The following SRGAP1 variants were observed in gnomAD, a reference collection of about 807,000 sequenced individuals.
SRGAP1 encodes the protein SLIT-ROBO Rho GTPase activating protein 1.
A neutral mutation model predicts 121.9 loss-of-function variants in SRGAP1; 43 were observed. That is an observed-to-expected ratio of 0.35 (90% CI 0.28 to 0.46). SRGAP1 has a LOEUF of 0.46. Ranked by LOEUF, SRGAP1 falls within the 20% of genes least tolerant of loss-of-function variation. SRGAP1 has a pLI of 1.00. For synonymous variants in SRGAP1, 447 were observed against 485.4 expected, an observed-to-expected ratio of 0.92 and a Z score of 1.04; for missense variants, 1,102 against 1,350.9, an observed-to-expected ratio of 0.82 and a Z score of 2.89.
chr12:64,126,253 AG>A (rs1481163845), intron 19 of SRGAP1, 96 bp downstream of exon 19: 1 of 1,354,472 alleles, frequency 7.4e-7, no homozygotes, highest in East Asian at 2.4e-5. Context: ...AAGGAGCAGA[AG>A]GGATTACAGA....
rs559469859 is a variant in SRGAP1 at position 63,865,170 on chromosome 12, C to T, written c.67+20287C>T. On this transcript the variant is annotated intron_variant, in intron 1 of 21. Coordinates refer to ENST00000355086, the MANE Select transcript of SRGAP1 (RefSeq NM_020762.4). ...AAAATAAGTTTTTCTGAGTAAAAATCCGTAGGCAGGGCACGGTGGCTCACT... is the reference window on the plus strand; with the variant it reads ...AAAATAAGTTTTTCTGAGTAAAAATTCGTAGGCAGGGCACGGTGGCTCACT... 2.0e-5 allele frequency among the ~76,000 whole-genome samples: 3 copies of T among 152,208 alleles called. No homozygotes were observed. In the South Asian group the frequency reaches 6.2e-4, roughly 32 times the overall value.
chr12:63,972,816 T>A (rs551713875), intron 1 of SRGAP1, among the ~76,000 whole-genome samples: 4 of 152,308 alleles, frequency 2.6e-5, no homozygotes, highest in East Asian at 1.9e-4. Context: ...CTAGTTTTTT[T>A]AAAAAATCTG....
intron 1 of SRGAP1, among the ~76,000 whole-genome samples, chr12:63,968,496 C>G (rs1416588452): frequency 6.6e-6 from 1 of 152,166 alleles, no homozygotes; most frequent in East Asian, 1.9e-4. Flanking sequence ...TAACCATGGT[C>G]ATTACCGTCT....
At chr12:64,099,439 T>C (rs1565680698) in intron 15 of SRGAP1, among the ~76,000 whole-genome samples, 1 of 152,142 alleles carries the variant, frequency 6.6e-6, no homozygotes, top group Non-Finnish European at 1.5e-5. Context: ...ATAGAATTTA[T>C]AGATGAAATG....
At chr12:64,026,764 G>T (rs1487586740) in intron 4 of SRGAP1, among the ~76,000 whole-genome samples, 2 of 151,872 alleles carry the variant, frequency 1.3e-5, no homozygotes, top group African/African-American at 4.8e-5. Flanking sequence ...TACTTGGAAG[G>T]CTGAGTCGGG....
At chr12:64,026,832 C>T (rs997049246) in intron 4 of SRGAP1, among the ~76,000 whole-genome samples, 3 of 151,242 alleles carry the variant, frequency 2.0e-5, no homozygotes, top group Admixed American at 6.6e-5. Flanking sequence ...CACCACCGCA[C>T]TCCAGCCTGG....
intron 1 of SRGAP1, among the ~76,000 whole-genome samples, chr12:63,982,220 A>C (rs983156843): frequency 6.6e-6 from 1 of 151,040 alleles, no homozygotes; most frequent in Admixed American, 6.6e-5. Context: ...CAAAACAAAA[A>C]CAAAAACAAA....
chr12:63,850,990 T>C (rs1306753668), intron 1 of SRGAP1, among the ~76,000 whole-genome samples: 1 of 151,798 alleles, frequency 6.6e-6, no homozygotes, highest in Non-Finnish European at 1.5e-5. Context: ...ATCTCGTCTC[T>C]ACTAAAAACA....
rs559156416 is a variant in SRGAP1, at chr12:63,937,273, G to A, written c.68-46674G>A. 5.3e-5 allele frequency among the ~76,000 whole-genome samples: 8 copies of A among 152,292 alleles called. No homozygotes were observed. The East Asian group carries it at 1.5e-3, about 29-fold the overall frequency. On this transcript the variant is annotated intron_variant, in intron 1 of 21. Transcript: ENST00000355086. ...ATTTAGTAGGAAAAACTGGGATGTTGCTGACAATGGCCCATAATCATACAG... is the reference window on the plus strand; with the variant it reads ...ATTTAGTAGGAAAAACTGGGATGTTACTGACAATGGCCCATAATCATACAG...
chr12:63,921,385 C>T (rs919021053), intron 1 of SRGAP1, among the ~76,000 whole-genome samples: 1 of 152,152 alleles, frequency 6.6e-6, no homozygotes, highest in Non-Finnish European at 1.5e-5. Flanking sequence ...GAGTAATCCA[C>T]GATATGACCT....
intron 1 of SRGAP1, among the ~76,000 whole-genome samples, chr12:63,879,652 T>TG (rs1189180871): frequency 2.6e-5 from 4 of 152,274 alleles, no homozygotes; most frequent in South Asian, 4.1e-4. Context: ...AGCACTAAGT[T>TG]GGGGGGAAGC....
chr12:63,882,767 A>C (rs1900237826), intron 1 of SRGAP1, among the ~76,000 whole-genome samples: 1 of 152,216 alleles, frequency 6.6e-6, no homozygotes, highest in Non-Finnish European at 1.5e-5. Context: ...TTGTAAATTA[A>C]CTAACTTCTT....
chr12:63,877,786 T>C (rs778562499), intron 1 of SRGAP1, among the ~76,000 whole-genome samples: 15 of 152,230 alleles, frequency 9.9e-5, no homozygotes, highest in Admixed American at 2.6e-4. Context: ...TTAGATACCA[T>C]CTTTCTAGTC....
intron 3 of SRGAP1, among the ~76,000 whole-genome samples, chr12:64,007,164 G>A (rs574149434): frequency 1.1e-4 from 17 of 152,148 alleles, no homozygotes; most frequent in East Asian, 9.7e-4. Flanking sequence ...ATAATGAACC[G>A]TTATCTGTGA....
At chr12:64,067,912 C>G (rs150937063) in intron 8 of SRGAP1, among the ~76,000 whole-genome samples, 22 of 151,388 alleles carry the variant, frequency 1.5e-4, no homozygotes, top group African/African-American at 5.1e-4. Flanking sequence ...GAATGGGACC[C>G]TGTCTCCCAA....
intron 1 of SRGAP1, among the ~76,000 whole-genome samples, chr12:63,952,085 A>C (rs2032318046): frequency 1.3e-5 from 2 of 152,124 alleles, no homozygotes; most frequent in Admixed American, 1.3e-4. Context: ...ATCATCTAGT[A>C]CACAGGACAG....
intron 4 of SRGAP1, among the ~76,000 whole-genome samples, chr12:64,023,179 T>A (rs2034585682): frequency 8.8e-6 from 1 of 113,146 alleles, no homozygotes; most frequent in African/African-American, 3.1e-5. Flanking sequence ...AATTTTTTTA[T>A]GATGAATATA....
chr12:64,073,142 G>A (rs751485291), intron 8 of SRGAP1, among the ~76,000 whole-genome samples: 2 of 152,022 alleles, frequency 1.3e-5, no homozygotes, highest in African/African-American at 2.4e-5. Context: ...TCAGAAGCTC[G>A]TGTTACTGTC....
chr12:64,094,867 C>A, intron 12 of SRGAP1, 65 bp from the exon 13 acceptor site: 1 of 1,437,206 alleles, frequency 7.0e-7, no homozygotes, highest in Non-Finnish European at 9.8e-7. Flanking sequence ...AAACTCTAAG[C>A]CTTATTATTA....
Sources: gnomAD v4.1 joint callset for allele counts (sites outside exome capture counted in the v4.1 genomes callset) on GRCh38, gnomAD v4.1.1 for gene constraint, MANE v1.5 for transcripts, NCBI Gene and HGNC (gene_info 2026-07-23, HGNC 2026-07-21) for gene names.